Variants in OSBP2 observed in about 807,000 individuals in gnomAD.
OSBP2 encodes the protein oxysterol binding protein 2, also known as oxysterol-binding protein 2.
A neutral mutation model predicts 96.0 loss-of-function variants in OSBP2; 66 were observed. The ratio of observed to expected loss-of-function variants is 0.69; its 90% confidence interval spans 0.56 to 0.84. OSBP2 has a LOEUF of 0.84. Ranked by LOEUF, OSBP2 falls within the 40% of genes least tolerant of loss-of-function variation. OSBP2 has a pLI of 0.00. For missense variants in OSBP2, 1,038 were observed against 1,222.7 expected, an observed-to-expected ratio of 0.85 and a Z score of 2.25; for synonymous variants, 525 against 520.9, an observed-to-expected ratio of 1.01 and a Z score of -0.11.
intron 2 of OSBP2, among the ~76,000 whole-genome samples, chr22:30,816,271 T>C (rs1851135047): frequency 6.6e-6 from 1 of 152,218 alleles, no homozygotes; most frequent in South Asian, 2.1e-4. Flanking sequence ...GTTGTCACTT[T>C]TATTTTTAAA....
chr22:30,838,574 A>G (rs569954992), intron 2 of OSBP2, among the ~76,000 whole-genome samples: 2 of 152,230 alleles, frequency 1.3e-5, no homozygotes, highest in African/African-American at 4.8e-5. Flanking sequence ...TCAGTCTTTC[A>G]CCATTAACTA....
intron 2 of OSBP2, among the ~76,000 whole-genome samples, chr22:30,800,770 G>A (rs890653455): frequency 6.6e-6 from 1 of 152,228 alleles, no homozygotes; most frequent in African/African-American, 2.4e-5. Context: ...AGAAAAGAAT[G>A]GAGTAACTGA....
chr22:30,847,197 C>T (rs1341181552), intron 2 of OSBP2, among the ~76,000 whole-genome samples: 1 of 152,028 alleles, frequency 6.6e-6, no homozygotes, highest in Non-Finnish European at 1.5e-5. Flanking sequence ...AGGCTGGTCT[C>T]AAACTCCTGA....
intron 2 of OSBP2, among the ~76,000 whole-genome samples, chr22:30,743,469 A>G (rs891971908): frequency 1.3e-5 from 2 of 152,078 alleles, no homozygotes; most frequent in Admixed American, 1.3e-4. Context: ...GTACCACTCC[A>G]TCACCCAGTG....
upstream of OSBP2, chr22:30,694,265 G>C (rs1249631907): frequency 6.5e-7 from 1 of 1,549,726 alleles, no homozygotes. Context: ...CCGTAGGCCA[G>C]CTGGCTCAGG....
At position 30,763,028 on chromosome 22, in the gene OSBP2, C is replaced by G. The variant is rs114501329; in HGVS notation, c.853+21659C>G. Among the ~76,000 whole-genome samples the G allele has an allele frequency of 3.1e-3, 468 of 152,330 alleles. 5 individuals are homozygous for G. The highest frequency in any genetic ancestry group is 0.011 in the African/African-American group (452 of 41,586). Reference sequence around the variant, plus strand: ...AAATCGTGGCTCCCACACTTACCCACTGTGTGACCTTGGACAAGTTGCTTG... The same window carrying G: ...AAATCGTGGCTCCCACACTTACCCAGTGTGTGACCTTGGACAAGTTGCTTG... On this transcript the variant is annotated intron_variant, in intron 2 of 13. Transcript: ENST00000332585.
At chr22:30,856,314 G>A (rs1244075060) in intron 2 of OSBP2, among the ~76,000 whole-genome samples, 1 of 148,842 alleles carries the variant, frequency 6.7e-6, no homozygotes, top group Admixed American at 6.8e-5. Flanking sequence ...GAGTCAGAAT[G>A]TTCTGCCCGA....
At position 30,835,145 on chromosome 22, in the gene OSBP2, T is replaced by C. The variant is rs970782305; in HGVS notation, c.854-35284T>C. The stretch of plus-strand genomic sequence containing the variant: ...TAGTATCACTTGCAGCACAAAATTT[T>C]TAATTTTGATGTTTAATTTATCTAT... On this transcript the variant is annotated intron_variant, in intron 2 of 13. Transcript: ENST00000332585. Among the ~76,000 whole-genome samples the C allele has an allele frequency of 2.0e-4, 30 of 152,290 alleles. 1 individual carries two copies. The highest frequency in any genetic ancestry group is 1.8e-3 in the Admixed American group (27 of 15,296).
intron 2 of OSBP2, among the ~76,000 whole-genome samples, chr22:30,812,877 T>G (rs1231591710): frequency 6.6e-6 from 1 of 152,230 alleles, no homozygotes; most frequent in Non-Finnish European, 1.5e-5. Flanking sequence ...TACTCTTATC[T>G]GTTTATTTAC....
chr22:30,757,093 C>A (rs997534036), intron 2 of OSBP2, among the ~76,000 whole-genome samples: 3 of 152,170 alleles, frequency 2.0e-5, no homozygotes, highest in African/African-American at 7.2e-5. Context: ...TATCTGCTGG[C>A]CTTGATCAGT....
chr22:30,821,800 A>G (rs957698278), intron 2 of OSBP2, among the ~76,000 whole-genome samples: 1 of 152,252 alleles, frequency 6.6e-6, no homozygotes, highest in African/African-American at 2.4e-5. Context: ...TGTAGACCTA[A>G]AAGACACAGA....
upstream of OSBP2, chr22:30,694,251 T>G: frequency 7.7e-6 from 12 of 1,549,894 alleles, no homozygotes; most frequent in Non-Finnish European, 1.0e-5. Flanking sequence ...CGCCTTGGCA[T>G]GAACCGTAGG....
At position 30,717,776 on chromosome 22, in the gene OSBP2, C is replaced by T. The variant is rs114692411; in HGVS notation, c.644+22223C>T. Reference sequence around the variant, plus strand: ...GACTCCCCCTCAGGACTGGCCTCATCTCTGCCTCTCCAGCATCATCATCTC... The same window carrying T: ...GACTCCCCCTCAGGACTGGCCTCATTTCTGCCTCTCCAGCATCATCATCTC... On this transcript the variant is annotated intron_variant, in intron 1 of 13. Transcript: ENST00000332585. 6.4e-3 allele frequency among the ~76,000 whole-genome samples: 977 copies of T among 152,288 alleles called. 10 individuals are homozygous for T. The highest frequency in any genetic ancestry group is 0.022 in the African/African-American group (924 of 41,546).
intron 2 of OSBP2, among the ~76,000 whole-genome samples, chr22:30,782,269 C>T (rs2090528056): frequency 6.6e-6 from 1 of 152,212 alleles, no homozygotes. Flanking sequence ...TTCATCATTC[C>T]AAATTCTCTT....
intron 2 of OSBP2, among the ~76,000 whole-genome samples, chr22:30,847,473 G>A (rs1219904068): frequency 6.6e-6 from 1 of 151,878 alleles, no homozygotes. Flanking sequence ...GTAGAGATGG[G>A]ATTTCACCAT....
At chr22:30,768,304 C>T (rs1297456565) in intron 2 of OSBP2, among the ~76,000 whole-genome samples, 2 of 152,096 alleles carry the variant, frequency 1.3e-5, no homozygotes, top group East Asian at 1.9e-4. Flanking sequence ...GAGAAGTAGG[C>T]GTTATGTAAT....
chr22:30,859,349 G>A (rs1475607810), intron 2 of OSBP2, among the ~76,000 whole-genome samples: 1 of 152,248 alleles, frequency 6.6e-6, no homozygotes, highest in East Asian at 1.9e-4. Flanking sequence ...CCTTGAGACA[G>A]GTGTTTGCAT....
At chr22:30,854,292 C>T (rs979328990) in intron 2 of OSBP2, among the ~76,000 whole-genome samples, 8 of 143,764 alleles carry the variant, frequency 5.6e-5, no homozygotes, top group Non-Finnish European at 1.2e-4. Flanking sequence ...TGTTTTCTTG[C>T]TTTATACAGT....
intron 2 of OSBP2, among the ~76,000 whole-genome samples, chr22:30,817,937 C>G (rs1210450660): frequency 1.3e-5 from 2 of 152,172 alleles, no homozygotes; most frequent in Non-Finnish European, 2.9e-5. Context: ...CAGGGTCACC[C>G]AGGCTTGAGT....
Sources: allele counts gnomAD v4.1 joint callset (sites outside exome capture counted in the v4.1 genomes callset), GRCh38; gene constraint gnomAD v4.1.1; transcripts MANE v1.5; gene names NCBI Gene and HGNC (gene_info 2026-07-23, HGNC 2026-07-21).